The following NOSTRIN variants were observed in gnomAD, a reference collection of about 807,000 sequenced individuals.
The protein encoded by NOSTRIN is BM247 homolog.
A neutral mutation model predicts 59.0 loss-of-function variants in NOSTRIN; 63 were observed. The ratio of observed to expected loss-of-function variants is 1.07; its 90% CI spans 0.87 to 1.32. NOSTRIN has a LOEUF of 1.32. Among genes scored for constraint, NOSTRIN ranks in the 40% most tolerant of loss-of-function variants. The pLI, the probability that NOSTRIN is intolerant of heterozygous loss-of-function variation, is 0.00. For synonymous variants in NOSTRIN, 200 were observed against 165.4 expected (o/e 1.21, Z -1.61); for missense variants, 512 against 473.1 (o/e 1.08, Z -0.76).
intron 2 of NOSTRIN, among the ~76,000 whole-genome samples, chr2:168,789,787 G>A (rs1685301321): frequency 6.6e-6 from 1 of 152,168 alleles, no homozygotes; most frequent in South Asian, 2.1e-4. Flanking sequence ...AAAGTAGCTG[G>A]TACAAACTGA....
At chr2:168,830,457 T>TAA (rs1313394313) in intron 5 of NOSTRIN, among the ~76,000 whole-genome samples, 6 of 152,244 alleles carry the variant, frequency 3.9e-5, no homozygotes, top group Admixed American at 3.3e-4. Context: ...ACATGAAATA[T>TAA]TTTCATTATG....
At chr2:168,798,583 G>A (rs903133455), upstream of NOSTRIN, among the ~76,000 whole-genome samples, 4 of 152,158 alleles carry the variant, frequency 2.6e-5, no homozygotes, top group Non-Finnish European at 5.9e-5. Context: ...GGCACATGCT[G>A]AGCAGAGACT....
At chr2:168,855,237 T>C in intron 10 of NOSTRIN, 115 bp from the exon 11 acceptor site, 3 of 516,608 alleles carry the variant, frequency 5.8e-6, no homozygotes, top group Non-Finnish European at 1.0e-5. Flanking sequence ...CTTAAAAATT[T>C]TGTTTTATTT....
At chr2:168,804,606 A>G (rs1685751052) in intron 1 of NOSTRIN, among the ~76,000 whole-genome samples, 1 of 152,102 alleles carries the variant, frequency 6.6e-6, no homozygotes, top group Admixed American at 6.5e-5. Context: ...TTATAAAAGA[A>G]CCCAAAGCTT....
rs1306388390 is a variant in NOSTRIN at position 168,824,654 on chromosome 2, A to G, written c.134A>G (p.Tyr45Cys). 3.4e-6 allele frequency: 3 copies of G among 872,788 alleles called. No individual in the cohort carries two copies. The highest frequency in any genetic ancestry group is 1.6e-5 in the African/African-American group (1 of 61,450). The allele number at this position is 872,788 out of a possible 1,614,324, so 54.1% of individuals were successfully genotyped here. Residue 45 changes from tyrosine (Y) to cysteine (C), a missense_variant, in exon 3 of 16, where the codon TAT becomes TGT. Tyr to Cys is a radical substitution (Grantham distance 194). Coordinates refer to ENST00000317647, the MANE Select transcript of NOSTRIN (RefSeq NM_001039724.4). ...AACAGGGCAAACCTGGAAATTAGCT[A>G]TGCCAAAGGACTTCAGAAACTGGCA... ...LQQRANLEIS[Y>C]AKGLQKLASK... is the part of the protein sequence containing the mutation.
At chr2:168,838,852 A>G (rs1225542224) in intron 7 of NOSTRIN, among the ~76,000 whole-genome samples, 1 of 149,780 alleles carries the variant, frequency 6.7e-6, no homozygotes, top group Non-Finnish European at 1.5e-5. Context: ...CAATGGTGCA[A>G]TCTGGGCCGA....
chr2:168,819,466 G>A (rs367593396), intron 2 of NOSTRIN, among the ~76,000 whole-genome samples: 10 of 152,300 alleles, frequency 6.6e-5, no homozygotes, highest in Admixed American at 3.3e-4. Flanking sequence ...CTTGGAACAT[G>A]GCTTCTTATA....
chr2:168,842,784 T>C (rs1273661247), intron 7 of NOSTRIN, among the ~76,000 whole-genome samples: 3 of 152,356 alleles, frequency 2.0e-5, no homozygotes, highest in South Asian at 4.1e-4. Flanking sequence ...GGGGGAATCA[T>C]ACTGGAAGGC....
At chr2:168,807,303 G>C (rs1025755648) in intron 1 of NOSTRIN, among the ~76,000 whole-genome samples, 2 of 152,092 alleles carry the variant, frequency 1.3e-5, no homozygotes, top group Admixed American at 1.3e-4. Flanking sequence ...GAACTATATG[G>C]TCTCTGGAAG....
intron 8 of NOSTRIN, among the ~76,000 whole-genome samples, chr2:168,843,760 A>G (rs573601818): frequency 6.6e-6 from 1 of 152,352 alleles, no homozygotes; most frequent in South Asian, 2.1e-4. Flanking sequence ...GAATTATTGT[A>G]CCCCTGTAGG....
At chr2:168,788,464 G>A (rs1175622687) in intron 2 of NOSTRIN, among the ~76,000 whole-genome samples, 2 of 152,064 alleles carry the variant, frequency 1.3e-5, no homozygotes, top group Non-Finnish European at 2.9e-5. Flanking sequence ...AGTGCAGCTG[G>A]CAGAATCGTA....
In NOSTRIN at chr2:168,828,208, C is replaced by T. The variant is rs772890682; in HGVS notation, c.248C>T (p.Ala83Val). 8.0e-6 allele frequency: 7 copies of T among 872,806 alleles called. No homozygotes were observed. Among genetic ancestry groups the T allele is most frequent in the South Asian group, 1.3e-5 (1 of 76,538 alleles). The allele number at this position is 872,806 out of a possible 1,614,324, so 54.1% of individuals were successfully genotyped here. ...AWASEGMKST[A>V]DLHQKLGKAI... ...GCCTCAGAGGGAATGAAATCCACAG[C>T]GGACCTGCATCAGTGAGTTCTCCCA... Residue 83 changes from alanine to valine, a missense_variant, in exon 4 of 16, where the codon GCG (alanine) becomes GTG (valine). By Grantham distance (64) the Ala-to-Val change is moderately conservative (BLOSUM62 0). Coordinates refer to ENST00000317647, the MANE Select transcript of NOSTRIN (RefSeq NM_001039724.4).
intron 7 of NOSTRIN, among the ~76,000 whole-genome samples, chr2:168,837,589 G>A (rs542591451): frequency 3.2e-4 from 49 of 152,166 alleles, no homozygotes; most frequent in African/African-American, 9.4e-4. Context: ...GATTACAGGC[G>A]TGAGCCACCG....
At chr2:168,847,203 TGATA>T (rs756940502) in intron 8 of NOSTRIN, among the ~76,000 whole-genome samples, 3 of 152,186 alleles carry the variant, frequency 2.0e-5, no homozygotes, top group South Asian at 2.1e-4. Flanking sequence ...TTGAATAATT[TGATA>T]GATAACTAGA....
chr2:168,821,327 A>G (rs891011083), intron 2 of NOSTRIN, among the ~76,000 whole-genome samples: 2 of 152,236 alleles, frequency 1.3e-5, no homozygotes, highest in African/African-American at 4.8e-5. Context: ...GACTGCATTT[A>G]AACAGCTTGT....
At chr2:168,843,614 T>C (rs1051835686) in intron 8 of NOSTRIN, among the ~76,000 whole-genome samples, 2 of 152,152 alleles carry the variant, frequency 1.3e-5, no homozygotes, top group African/African-American at 4.8e-5. Flanking sequence ...CTGATAATAA[T>C]GGGCAAAATA....
Position 168,856,731 on chromosome 2 carries a change from T to C in NOSTRIN, c.1006T>C (p.Phe336Leu). Residue 336 changes from phenylalanine to leucine, a missense_variant, in exon 12 of 16, where the codon TTC becomes CTC. Physicochemically the swap from Phe to Leu is conservative, Grantham distance 22 (BLOSUM62 0). Transcript: ENST00000317647. ...TAAAACGTACTCCAGCACCTCCTCC[T>C]TCTCTGATGCAAAGAGCCAGAAAGA... Reference protein sequence around the residue: ...MLKTYSSTSSFSDAKSQKDTA... With the variant: ...MLKTYSSTSSLSDAKSQKDTA... 6.2e-7 allele frequency: 1 copy of C among 1,614,168 alleles called. No individual in the cohort carries two copies. Among genetic ancestry groups the C allele is most frequent in the Non-Finnish European group, 8.5e-7 (1 of 1,180,016 alleles).
intron 2 of NOSTRIN, among the ~76,000 whole-genome samples, chr2:168,813,186 T>C (rs1309903898): frequency 6.6e-6 from 1 of 152,218 alleles, no homozygotes; most frequent in Non-Finnish European, 1.5e-5. Flanking sequence ...CTCCTATGAA[T>C]TCAACTCATT....
intron 7 of NOSTRIN, 76 bp downstream of exon 7, chr2:168,834,401 A>G (rs1237835167): frequency 1.3e-6 from 1 of 765,094 alleles, no homozygotes; most frequent in African/African-American, 1.7e-5. Context: ...CGAACACAAG[A>G]GAACGGGTTG....
Sources: allele counts gnomAD v4.1 joint callset (sites outside exome capture counted in the v4.1 genomes callset), GRCh38; gene constraint gnomAD v4.1.1; transcripts MANE v1.5; gene names NCBI Gene and HGNC (gene_info 2026-07-23, HGNC 2026-07-21).